The following EPHA5 variants were observed in gnomAD, a reference collection of about 807,000 sequenced individuals.
EPHA5 encodes EPH receptor A5.
A neutral mutation model predicts 105.0 loss-of-function variants in EPHA5; 60 were observed. The observed-to-expected ratio is 0.57, with a 90% CI of 0.46 to 0.71. The LOEUF (loss-of-function observed/expected upper bound fraction) is 0.71, where lower values mean the gene tolerates loss of function less well. EPHA5 is among the 30% of genes least tolerant of loss of function. The pLI is 0.00. For missense variants in EPHA5, 1,218 were observed against 1,274.7 expected, an observed-to-expected ratio of 0.96 and a Z score of 0.68; for synonymous variants, 513 against 449.1, an observed-to-expected ratio of 1.14 and a Z score of -1.80.
intron 8 of EPHA5, among the ~76,000 whole-genome samples, chr4:65,395,414 A>G (rs1446466407): frequency 2.6e-5 from 4 of 152,206 alleles, no homozygotes; most frequent in Non-Finnish European, 5.9e-5. Flanking sequence ...AATTGTGAAG[A>G]CGTCATTTAC....
chr4:65,571,333 A>G (rs1373468578), intron 3 of EPHA5, among the ~76,000 whole-genome samples: 2 of 151,784 alleles, frequency 1.3e-5, no homozygotes, highest in African/African-American at 4.8e-5. Flanking sequence ...AAAAAAAAAA[A>G]ACAGATCAAA....
intron 3 of EPHA5, among the ~76,000 whole-genome samples, chr4:65,578,240 C>T (rs919361841): frequency 1.3e-5 from 2 of 152,026 alleles, no homozygotes; most frequent in Admixed American, 1.3e-4. Context: ...TTCTTTTTGT[C>T]AGGGGGCGGG....
At chr4:65,663,201 CAT>C (rs777847041) in intron 1 of EPHA5, among the ~76,000 whole-genome samples, 5 of 152,188 alleles carry the variant, frequency 3.3e-5, no homozygotes, top group Middle Eastern at 3.4e-3. Flanking sequence ...AAAGGCAAAA[CAT>C]AGACACTTTT....
In EPHA5 at chr4:65,363,854, A is replaced by T. The variant is rs181890888; in HGVS notation, c.2173+1163T>A. ...CACGTTCAAATTCTGATTTTATTTTATTGCATCTGTGACCATATTTTTATA... is the reference window on the plus strand; with the variant it reads ...CACGTTCAAATTCTGATTTTATTTTTTTGCATCTGTGACCATATTTTTATA... On this transcript the variant is annotated intron_variant, in intron 11 of 16. Coordinates refer to ENST00000613740, the MANE Select transcript of EPHA5 (RefSeq NM_001281766.3). Among the ~76,000 whole-genome samples the T allele has an allele frequency of 1.7e-3, 250 of 151,382 alleles. 1 individual carries two copies. The highest frequency in any genetic ancestry group is 5.6e-3 in the African/African-American group (233 of 41,420).
chr4:65,623,728 T>C (rs1489207693), intron 2 of EPHA5, among the ~76,000 whole-genome samples: 2 of 152,130 alleles, frequency 1.3e-5, no homozygotes, highest in Admixed American at 1.3e-4. Flanking sequence ...CATTTTTGCC[T>C]CATGACATAA....
At position 65,579,196 on chromosome 4, in the gene EPHA5, G is replaced by A. The variant is rs1003789397; in HGVS notation, c.910+22445C>T. Among the ~76,000 whole-genome samples the A allele has an allele frequency of 5.3e-5, 8 of 151,168 alleles. No individual in the cohort carries two copies. In the South Asian group the frequency reaches 6.2e-4, roughly 12 times the overall value. On this transcript the variant is annotated intron_variant, in intron 3 of 16. Transcript: ENST00000613740. ...CTTCAACTACAAAATAACTAAATAA[G>A]CAATTTGCCATGAGAATATAAAATT...
At chr4:65,595,564 A>T (rs1743084813) in intron 3 of EPHA5, among the ~76,000 whole-genome samples, 1 of 149,452 alleles carries the variant, frequency 6.7e-6, no homozygotes. Context: ...TATAATTTTT[A>T]TATAATATCT....
intron 3 of EPHA5, among the ~76,000 whole-genome samples, chr4:65,533,223 C>T (rs1368152477): frequency 1.3e-5 from 2 of 152,018 alleles, no homozygotes; most frequent in Non-Finnish European, 2.9e-5. Context: ...CTGCTTAAGG[C>T]TTAAGGAATG....
At chr4:65,497,695 C>T (rs1732078811) in intron 3 of EPHA5, among the ~76,000 whole-genome samples, 1 of 152,064 alleles carries the variant, frequency 6.6e-6, no homozygotes, top group South Asian at 2.1e-4. Context: ...CATTTCTTTT[C>T]TTTTTAATGA....
At chr4:65,376,278 G>A (rs908267834) in intron 8 of EPHA5, among the ~76,000 whole-genome samples, 1 of 152,022 alleles carries the variant, frequency 6.6e-6, no homozygotes, top group Non-Finnish European at 1.5e-5. Flanking sequence ...AGTCTAGGAA[G>A]AAATTATCTG....
At chr4:65,352,035 C>T (rs936351296) in intron 12 of EPHA5, among the ~76,000 whole-genome samples, 2 of 151,888 alleles carry the variant, frequency 1.3e-5, no homozygotes, top group African/African-American at 4.8e-5. Context: ...AGATGGGAGA[C>T]GGGTGACTGA....
intron 1 of EPHA5, among the ~76,000 whole-genome samples, chr4:65,652,794 G>C (rs564837130): frequency 6.6e-6 from 1 of 151,982 alleles, no homozygotes; most frequent in African/African-American, 2.4e-5. Context: ...CAGACATTAG[G>C]TTTTCCTGGA....
intron 3 of EPHA5, among the ~76,000 whole-genome samples, chr4:65,503,324 T>C (rs1327900019): frequency 6.6e-6 from 1 of 151,790 alleles, no homozygotes; most frequent in Admixed American, 6.6e-5. Flanking sequence ...AAAGTTGTTA[T>C]TAGGTTAAAA....
rs1181441547 is a variant in EPHA5, at chr4:65,320,983, T to C, written c.*3131A>G. 8.7e-6 allele frequency: 2 copies of C among 230,298 alleles called. No homozygotes were observed. Among genetic ancestry groups the C allele is most frequent in the African/African-American group, 4.4e-5 (2 of 45,136 alleles). The allele number at this position is 230,298 out of a possible 1,614,324, so 14.3% of individuals were successfully genotyped here. A position where few individuals can be genotyped will look rare whatever the true frequency, so the allele number is the denominator to read the frequency against. ...TTTAAAACATAGGAAAATCAAAATCTTTACATCTTTACATAGAAATAGTAC... is the reference window on the plus strand; with the variant it reads ...TTTAAAACATAGGAAAATCAAAATCCTTACATCTTTACATAGAAATAGTAC... On this transcript the variant is annotated 3_prime_UTR_variant, in exon 17 of 17. Coordinates refer to ENST00000613740, the MANE Select transcript of EPHA5 (RefSeq NM_001281766.3).
chr4:65,609,854 T>C (rs373109565), intron 2 of EPHA5, among the ~76,000 whole-genome samples: 1 of 152,120 alleles, frequency 6.6e-6, no homozygotes, highest in Non-Finnish European at 1.5e-5. Flanking sequence ...ATGATGAACA[T>C]AATATGCAAA....
intron 1 of EPHA5, among the ~76,000 whole-genome samples, chr4:65,667,154 C>A (rs1398616638): frequency 6.6e-6 from 1 of 152,128 alleles, no homozygotes; most frequent in Non-Finnish European, 1.5e-5. Flanking sequence ...AAACTCTAAT[C>A]TGAATCTCTA....
intron 5 of EPHA5, among the ~76,000 whole-genome samples, chr4:65,434,450 A>C (rs907667532): frequency 6.6e-6 from 1 of 152,078 alleles, no homozygotes; most frequent in East Asian, 1.9e-4. Flanking sequence ...TAATATCTTT[A>C]TTATGGATTT....
intron 5 of EPHA5, among the ~76,000 whole-genome samples, chr4:65,435,710 G>A (rs1725410167): frequency 6.6e-6 from 1 of 151,970 alleles, no homozygotes; most frequent in African/African-American, 2.4e-5. Context: ...CTTAGCATTA[G>A]GGGTAAAGAG....
At chr4:65,454,637 T>C (rs979227416) in intron 5 of EPHA5, among the ~76,000 whole-genome samples, 1 of 152,172 alleles carries the variant, frequency 6.6e-6, no homozygotes, top group Non-Finnish European at 1.5e-5. Flanking sequence ...AAAGAGTCCA[T>C]CTGCTTCCAC....
Sources: allele counts gnomAD v4.1 joint callset (sites outside exome capture counted in the v4.1 genomes callset), GRCh38; gene constraint gnomAD v4.1.1; transcripts MANE v1.5; gene names NCBI Gene and HGNC (gene_info 2026-07-23, HGNC 2026-07-21).